NUDCD3: variants seen among roughly 807,000 people sequenced by gnomAD.
NUDCD3 encodes the protein NudC domain containing 3.
Under a neutral mutation model 39.7 loss-of-function variants are expected in NUDCD3, and 13 were observed. That is an observed-to-expected ratio of 0.33 (90% CI 0.21 to 0.52). The LOEUF (loss-of-function observed/expected upper bound fraction) is 0.52. Among genes scored for constraint, NUDCD3 ranks in the 20% least tolerant of loss-of-function variants. NUDCD3 has a pLI of 0.96. For synonymous variants in NUDCD3, 175 were observed against 172.4 expected, an observed-to-expected ratio of 1.02 and a Z score of -0.12; for missense variants, 453 against 458.1, an observed-to-expected ratio of 0.99 and a Z score of 0.10.
chr7:44,401,172 T>C (rs1438171413), intron 4 of NUDCD3, among the ~76,000 whole-genome samples: 1 of 152,076 alleles, frequency 6.6e-6, no homozygotes, highest in East Asian at 1.9e-4. Context: ...TCACCTGCAG[T>C]CCCTCTCTGC....
intron 2 of NUDCD3, among the ~76,000 whole-genome samples, chr7:44,460,690 C>T (rs537566326): frequency 3.9e-5 from 6 of 151,952 alleles, no homozygotes; most frequent in Admixed American, 1.3e-4. Flanking sequence ...ATCTCAAAAA[C>T]GTAATATGAA....
At chr7:44,402,600 G>C (rs565413774) in intron 4 of NUDCD3, 1 of 456,322 alleles carries the variant, frequency 2.2e-6, no homozygotes, top group East Asian at 6.9e-5. Context: ...TCTGCATGAA[G>C]TATCTAAAAA....
At chr7:44,394,549 G>A (rs972908780) in intron 4 of NUDCD3, among the ~76,000 whole-genome samples, 1 of 152,178 alleles carries the variant, frequency 6.6e-6, no homozygotes, top group African/African-American at 2.4e-5. Context: ...GATCCTTTAC[G>A]AATTTTTTAT....
chr7:44,453,926 C>A (rs1303626268), intron 2 of NUDCD3, among the ~76,000 whole-genome samples: 1 of 152,152 alleles, frequency 6.6e-6, no homozygotes. Context: ...GTCTGTGCTT[C>A]CAGCTACTTG....
chr7:44,437,859 G>C (rs918951724), intron 2 of NUDCD3, among the ~76,000 whole-genome samples: 2 of 152,106 alleles, frequency 1.3e-5, no homozygotes, highest in Non-Finnish European at 2.9e-5. Flanking sequence ...CAGATGGTCA[G>C]CCAACATCAA....
chr7:44,481,283 T>C (rs1800485772), intron 2 of NUDCD3: 1 of 152,204 alleles, frequency 6.6e-6, no homozygotes, highest in African/African-American at 2.4e-5. Context: ...CTGCAAGAAA[T>C]TGGCTTACAT....
rs1001330415 is a variant in NUDCD3 at position 44,412,129 on chromosome 7, T to C, written c.643-7546A>G. ...TGAGGCCCCTCTAAGACTAGGAAGA[T>C]ATCCAGGAAGCTGAGCAATGTGTCC... On this transcript the variant is annotated intron_variant, in intron 3 of 5. Transcript: ENST00000355451. Among the ~76,000 whole-genome samples the C allele has an allele frequency of 3.6e-4, 55 of 152,246 alleles. 1 individual carries two copies. The highest frequency in any genetic ancestry group is 1.3e-3 in the African/African-American group (54 of 41,468).
intron 2 of NUDCD3, among the ~76,000 whole-genome samples, chr7:44,433,111 T>A (rs1799394769): frequency 6.6e-6 from 1 of 152,162 alleles, no homozygotes; most frequent in African/African-American, 2.4e-5. Context: ...CAGAGGTCCA[T>A]GAATCAGGAA....
At chr7:44,430,755 G>C (rs2116907127) in intron 2 of NUDCD3, among the ~76,000 whole-genome samples, 1 of 152,310 alleles carries the variant, frequency 6.6e-6, no homozygotes, top group East Asian at 1.9e-4. Flanking sequence ...CAGCAACAGT[G>C]CAGTCACTTG....
chr7:44,483,317 A>G (rs1800533991), intron 2 of NUDCD3, among the ~76,000 whole-genome samples: 2 of 152,204 alleles, frequency 1.3e-5, no homozygotes, highest in African/African-American at 4.8e-5. Context: ...ATGTTTGAAG[A>G]AAAACAAAAA....
intron 3 of NUDCD3, among the ~76,000 whole-genome samples, chr7:44,411,503 G>A (rs570779871): frequency 2.0e-4 from 31 of 152,304 alleles, no homozygotes; most frequent in Non-Finnish European, 3.4e-4. Flanking sequence ...AGATACACAA[G>A]TGGAAAATAA....
intron 2 of NUDCD3, among the ~76,000 whole-genome samples, chr7:44,448,850 T>G (rs1398274326): frequency 1.3e-5 from 2 of 152,154 alleles, no homozygotes; most frequent in Non-Finnish European, 1.5e-5. Flanking sequence ...GTTCAGAATA[T>G]CAAGGGAAAT....
At chr7:44,439,287 G>A (rs10240385) in intron 2 of NUDCD3, among the ~76,000 whole-genome samples, 20,539 of 152,098 alleles carry the variant, frequency 0.14, 1,714 homozygotes, top group Non-Finnish European at 0.19. Context: ...ATTAAAAGAG[G>A]TTGTTAAATG....
At position 44,455,611 on chromosome 7, in the gene NUDCD3, C is replaced by T. The variant is rs114028525; in HGVS notation, c.510-27908G>A. Reference sequence around the variant, plus strand: ...TATGCATTGGGAGTGTGCATGACAGCGCAAGTGTGTGTGTGAGTGCATGTG... The same window carrying T: ...TATGCATTGGGAGTGTGCATGACAGTGCAAGTGTGTGTGTGAGTGCATGTG... On this transcript the variant is annotated intron_variant, in intron 2 of 5. Transcript: ENST00000355451. 1.7e-3 allele frequency among the ~76,000 whole-genome samples: 263 copies of T among 152,174 alleles called. 2 individuals carry two copies. Among genetic ancestry groups the T allele is most frequent in the African/African-American group, 6.1e-3 (252 of 41,510 alleles).
rs1360312617 is a variant in NUDCD3, at chr7:44,380,469, C to A, written c.*5542G>T. On this transcript the variant is annotated 3_prime_UTR_variant, in exon 6 of 6. Coordinates refer to ENST00000355451, the MANE Select transcript of NUDCD3 (RefSeq NM_015332.4). The stretch of plus-strand genomic sequence containing the variant: ...TCACTCAGGGGTGCTGGAATCTTCC[C>A]CACCTTAAGGCTTAGCTCCAGTCTG... 6.6e-6 allele frequency: 1 copy of A among 152,228 alleles called. No homozygotes were observed. Among genetic ancestry groups the A allele is most frequent in the East Asian group, 1.9e-4 (1 of 5,200 alleles). The allele number at this position is 152,228 out of a possible 1,614,324, so 9.4% of individuals were successfully genotyped here. A position where few individuals can be genotyped will look rare whatever the true frequency, so the allele number is the denominator to read the frequency against.
Position 44,384,429 on chromosome 7 carries a change from C to T in NUDCD3, c.*1582G>A, listed in dbSNP as rs949715673. On this transcript the variant is annotated 3_prime_UTR_variant, in exon 6 of 6. Coordinates refer to ENST00000355451, the MANE Select transcript of NUDCD3 (RefSeq NM_015332.4). The stretch of plus-strand genomic sequence containing the variant: ...CAGTGGCAAATATCAGACAACAAGA[C>T]TCTCACATTCCAAAGGGGGTATCTA... 5.3e-5 allele frequency: 8 copies of T among 152,240 alleles called. No individual in the cohort carries two copies. The highest frequency in any genetic ancestry group is 1.2e-4 in the Non-Finnish European group (8 of 68,076). The allele number at this position is 152,240 out of a possible 1,614,324, so 9.4% of individuals were successfully genotyped here. A position where few individuals can be genotyped will look rare whatever the true frequency, so the allele number is the denominator to read the frequency against.
At chr7:44,479,034 A>G (rs183281917) in intron 2 of NUDCD3, among the ~76,000 whole-genome samples, 1 of 152,370 alleles carries the variant, frequency 6.6e-6, no homozygotes, top group Non-Finnish European at 1.5e-5. Flanking sequence ...CCTTCTTCAC[A>G]TACCAGCAGG....
chr7:44,411,015 A>C (rs1798913199), intron 3 of NUDCD3, among the ~76,000 whole-genome samples: 1 of 152,210 alleles, frequency 6.6e-6, no homozygotes, highest in Non-Finnish European at 1.5e-5. Context: ...TTGATTTTAG[A>C]CAAGAGTACC....
chr7:44,442,637 C>T (rs1799608792), intron 2 of NUDCD3, among the ~76,000 whole-genome samples: 1 of 151,574 alleles, frequency 6.6e-6, no homozygotes, highest in South Asian at 2.1e-4. Context: ...ACCCTCAAGT[C>T]TTTAACAAAA....
Sources: allele counts gnomAD v4.1 joint callset (sites outside exome capture counted in the v4.1 genomes callset), GRCh38; gene constraint gnomAD v4.1.1; transcripts MANE v1.5; gene names NCBI Gene and HGNC (gene_info 2026-07-23, HGNC 2026-07-21).